Variants in DLG2 observed in about 807,000 individuals in gnomAD.
DLG2 encodes the protein discs large MAGUK scaffold protein 2, also known as disks large homolog 2.
In DLG2, 45 loss-of-function variants were observed where a neutral mutation model predicts 132.5. The observed-to-expected ratio is 0.34, with a 90% confidence interval of 0.27 to 0.44. The LOEUF (loss-of-function observed/expected upper bound fraction) is 0.44, where lower values mean the gene tolerates loss of function less well. Among genes scored for constraint, DLG2 ranks in the 20% least tolerant of loss-of-function variants. The pLI is 1.00. For synonymous variants in DLG2, 424 were observed against 419.6 expected (o/e 1.01, Z -0.13); for missense variants, 1,045 against 1,196.9 (o/e 0.87, Z 1.87).
chr11:84,159,620 C>T (rs533126798), intron 9 of DLG2, among the ~76,000 whole-genome samples: 2 of 152,096 alleles, frequency 1.3e-5, no homozygotes, highest in Admixed American at 1.3e-4. Context: ...TACAGAAGGC[C>T]TTGTATGTAA....
At chr11:84,999,522 T>C (rs779493207) in intron 6 of DLG2, among the ~76,000 whole-genome samples, 13 of 152,154 alleles carry the variant, frequency 8.5e-5, no homozygotes, top group Admixed American at 2.0e-4. Flanking sequence ...AAATGAGCAA[T>C]AGGCTCTTAT....
intron 21 of DLG2, among the ~76,000 whole-genome samples, chr11:83,510,782 T>A (rs1484184404): frequency 2.0e-5 from 3 of 151,194 alleles, no homozygotes; most frequent in African/African-American, 7.3e-5. Context: ...GTGAATCACA[T>A]TTACAATGTG....
chr11:84,706,310 T>C (rs1299748322), intron 6 of DLG2, among the ~76,000 whole-genome samples: 2 of 151,816 alleles, frequency 1.3e-5, no homozygotes, highest in Non-Finnish European at 2.9e-5. Flanking sequence ...AAAGCAACTA[T>C]ACAGAGAGTG....
In DLG2 at chr11:85,530,929, T is replaced by A. The variant is rs60918914; in HGVS notation, c.40+67728A>T. On this transcript the variant is annotated intron_variant, in intron 3 of 27. Coordinates refer to ENST00000376104, the MANE Select transcript of DLG2 (RefSeq NM_001142699.3). ...TTGACTTAGTTGTATAATAATTTCCTGAACTTGAGCAGGAAGAGTTAGGGG... is the reference window on the plus strand; with the variant it reads ...TTGACTTAGTTGTATAATAATTTCCAGAACTTGAGCAGGAAGAGTTAGGGG... Among the ~76,000 whole-genome samples the A allele has an allele frequency of 7.7e-3, 1,177 of 152,334 alleles. 16 individuals carry two copies. Among genetic ancestry groups the A allele is most frequent in the African/African-American group, 0.028 (1,145 of 41,586 alleles).
intron 16 of DLG2, among the ~76,000 whole-genome samples, chr11:83,857,605 T>C (rs760839451): frequency 6.6e-6 from 1 of 152,218 alleles, no homozygotes; most frequent in Non-Finnish European, 1.5e-5. Context: ...TAATTCCAGA[T>C]ACATGTCATT....
chr11:83,673,102 C>G (rs888718448), intron 18 of DLG2, among the ~76,000 whole-genome samples: 1 of 152,092 alleles, frequency 6.6e-6, no homozygotes, highest in East Asian at 1.9e-4. Flanking sequence ...ACAAAAAAAA[C>G]TCTCTGTGAG....
chr11:83,659,301 G>A (rs1381150267), intron 18 of DLG2, among the ~76,000 whole-genome samples: 1 of 151,566 alleles, frequency 6.6e-6, no homozygotes, highest in Non-Finnish European at 1.5e-5. Flanking sequence ...TAATAAAACA[G>A]AGAGAGAGAG....
At chr11:84,630,645 AGAT>A (rs1358549359) in intron 6 of DLG2, among the ~76,000 whole-genome samples, 4 of 152,216 alleles carry the variant, frequency 2.6e-5, no homozygotes, top group African/African-American at 9.6e-5. Context: ...CTTAAGAATA[AGAT>A]GATACTGTAC....
chr11:83,749,021 T>G (rs769597687), intron 18 of DLG2, among the ~76,000 whole-genome samples: 2 of 152,230 alleles, frequency 1.3e-5, no homozygotes, highest in Non-Finnish European at 2.9e-5. Flanking sequence ...TATATCAGTT[T>G]TGACTGACTC....
At chr11:83,546,356 G>T (rs2096243475) in intron 19 of DLG2, among the ~76,000 whole-genome samples, 1 of 152,096 alleles carries the variant, frequency 6.6e-6, no homozygotes, top group Non-Finnish European at 1.5e-5. Context: ...TCCCAGTTCT[G>T]CCATTCTTAA....
At chr11:84,314,667 A>C (rs565271249) in intron 7 of DLG2, among the ~76,000 whole-genome samples, 1 of 152,118 alleles carries the variant, frequency 6.6e-6, no homozygotes, top group East Asian at 1.9e-4. Context: ...AGGACAGAAA[A>C]ATTGAAATAA....
At chr11:85,353,917 A>C (rs890099662) in intron 3 of DLG2, among the ~76,000 whole-genome samples, 2 of 152,080 alleles carry the variant, frequency 1.3e-5, no homozygotes, top group Admixed American at 6.6e-5. Flanking sequence ...CAGCACACCA[A>C]CATGGCGCAT....
At position 84,518,808 on chromosome 11, in the gene DLG2, A is replaced by G. The variant is rs558715755; in HGVS notation, c.519+15762T>C. On this transcript the variant is annotated intron_variant, in intron 7 of 27. Transcript: ENST00000376104. ...GCGTGCAACAATATAAATCATGTTAAGAACCATCACTCAGTAGCTCTGGAT... is the reference window on the plus strand; with the variant it reads ...GCGTGCAACAATATAAATCATGTTAGGAACCATCACTCAGTAGCTCTGGAT... Among the ~76,000 whole-genome samples the G allele has an allele frequency of 4.6e-5, 7 of 152,288 alleles. No individual in the cohort carries two copies. In the South Asian group the frequency reaches 1.2e-3, roughly 27 times the overall value.
chr11:85,266,252 C>A (rs939083388), intron 4 of DLG2, among the ~76,000 whole-genome samples: 2 of 152,240 alleles, frequency 1.3e-5, no homozygotes, highest in African/African-American at 4.8e-5. Context: ...ACTCTCTTGC[C>A]TATGTGATCC....
intron 11 of DLG2, among the ~76,000 whole-genome samples, chr11:84,008,438 T>C (rs1420033967): frequency 6.6e-6 from 1 of 151,916 alleles, no homozygotes; most frequent in Admixed American, 6.6e-5. Flanking sequence ...TCACATGTTT[T>C]GGAGATGGAG....
At chr11:84,019,693 C>A (rs2095332589) in intron 11 of DLG2, among the ~76,000 whole-genome samples, 1 of 152,094 alleles carries the variant, frequency 6.6e-6, no homozygotes, top group Non-Finnish European at 1.5e-5. Flanking sequence ...GACACAGAAA[C>A]AGACATGCAT....
intron 3 of DLG2, among the ~76,000 whole-genome samples, chr11:85,470,810 G>A (rs917633006): frequency 2.6e-5 from 4 of 152,172 alleles, no homozygotes; most frequent in Non-Finnish European, 5.9e-5. Context: ...TAAATTAGAG[G>A]CCAAGACTTG....
At position 84,157,588 on chromosome 11, in the gene DLG2, G is replaced by A. The variant is rs186389473; in HGVS notation, c.624+5873C>T. On this transcript the variant is annotated intron_variant, in intron 9 of 27. Coordinates refer to ENST00000376104, the MANE Select transcript of DLG2 (RefSeq NM_001142699.3). ...TGGGACCTCAAGCATGAGCTGCTAT[G>A]TCTGGCTTTCACTCTCTTTTACATG... Among the ~76,000 whole-genome samples, 5 of 152,262 alleles carry A rather than the reference G, an allele frequency of 3.3e-5. No individual in the cohort carries two copies. The South Asian group carries it at 6.2e-4, about 19-fold the overall frequency.
chr11:85,510,592 C>T (rs1192260576), intron 3 of DLG2, among the ~76,000 whole-genome samples: 1 of 152,064 alleles, frequency 6.6e-6, no homozygotes, highest in Non-Finnish European at 1.5e-5. Flanking sequence ...CAAAAGAAGA[C>T]ATTTATGCAG....
Sources: allele counts gnomAD v4.1 joint callset (sites outside exome capture counted in the v4.1 genomes callset), GRCh38; gene constraint gnomAD v4.1.1; transcripts MANE v1.5; gene names NCBI Gene and HGNC (gene_info 2026-07-23, HGNC 2026-07-21).